Variants in HMGA2 observed in about 807,000 individuals in gnomAD.
The protein encoded by HMGA2 is high mobility group protein HMGI-C.
Under a neutral mutation model 19.1 loss-of-function variants are expected in HMGA2, and 8 were observed. The observed-to-expected ratio is 0.42, with a 90% CI of 0.25 to 0.76. The LOEUF is 0.76. Ranked by LOEUF, HMGA2 falls within the 30% of genes least tolerant of loss-of-function variation. The pLI, the probability that HMGA2 is intolerant of heterozygous loss-of-function variation, is 0.28. For synonymous variants in HMGA2, 60 were observed against 48.8 expected, an observed-to-expected ratio of 1.23 and a Z score of -0.96; for missense variants, 109 against 136.3, an observed-to-expected ratio of 0.80 and a Z score of 1.00.
chr12:65,963,138 G>C (rs953603360), intron 4 of HMGA2, 107 bp from the exon 5 acceptor site: 1 of 993,664 alleles, frequency 1.0e-6, no homozygotes, highest in African/African-American at 1.6e-5. Flanking sequence ...CCTCTTTTGA[G>C]GCAAGCATAA....
chr12:65,872,475 G>T (rs1872757950), intron 3 of HMGA2, among the ~76,000 whole-genome samples: 1 of 152,108 alleles, frequency 6.6e-6, no homozygotes, highest in African/African-American at 2.4e-5. Context: ...CTGTGTTTCA[G>T]TCACTGCCTG....
chr12:65,842,317 A>G, intron 3 of HMGA2: 1 of 617,908 alleles, frequency 1.6e-6, no homozygotes. Flanking sequence ...CTTAATAAAG[A>G]GCATGGCACA....
chr12:65,908,109 A>C lies in HMGA2; in HGVS notation c.250-43274A>C, dbSNP rs190111748. ...AAATTAGACAATCAAGTGTACCAAG[A>C]ATTTGCCTAAATTTGGTATAATTTT... On this transcript the variant is annotated intron_variant, in intron 3 of 4. Transcript: ENST00000403681. 9.7e-4 allele frequency among the ~76,000 whole-genome samples: 148 copies of C among 152,284 alleles called. 1 individual carries two copies. The highest frequency in any genetic ancestry group is 1.3e-3 in the Non-Finnish European group (90 of 68,026).
chr12:65,863,192 A>G (rs1221114672), intron 3 of HMGA2, among the ~76,000 whole-genome samples: 1 of 152,176 alleles, frequency 6.6e-6, no homozygotes, highest in Non-Finnish European at 1.5e-5. Context: ...GTGACACCCC[A>G]TTTTGCCTCT....
At chr12:65,835,547 C>T (rs187595004) in intron 2 of HMGA2, among the ~76,000 whole-genome samples, 28 of 152,276 alleles carry the variant, frequency 1.8e-4, no homozygotes, top group Non-Finnish European at 3.1e-4. Flanking sequence ...GAGTGATAAT[C>T]GTGATATTTT....
At chr12:65,839,415 C>G (rs1014267815) in intron 3 of HMGA2, among the ~76,000 whole-genome samples, 2 of 152,038 alleles carry the variant, frequency 1.3e-5, no homozygotes, top group Non-Finnish European at 2.9e-5. Context: ...ATGATGGGTT[C>G]TTTGGCTTTG....
intron 3 of HMGA2, chr12:65,842,944 TTGC>T (rs1286061226): frequency 9.3e-7 from 1 of 1,080,362 alleles, no homozygotes; most frequent in East Asian, 4.1e-5. Context: ...CATCCAGATG[TTGC>T]TTAGTGATGC....
intron 3 of HMGA2, chr12:65,842,912 T>C (rs1009443481): frequency 2.8e-5 from 34 of 1,193,234 alleles, no homozygotes; most frequent in Non-Finnish European, 3.5e-5. Flanking sequence ...ATAAAGTTGT[T>C]AACCTCATGT....
chr12:65,935,875 AG>A (rs751411949), intron 3 of HMGA2, among the ~76,000 whole-genome samples: 1 of 152,172 alleles, frequency 6.6e-6, no homozygotes, highest in Non-Finnish European at 1.5e-5. Context: ...CCAGCAGCCC[AG>A]GGTGTTTTGA....
intron 3 of HMGA2, among the ~76,000 whole-genome samples, chr12:65,926,691 G>A (rs1346660492): frequency 6.6e-6 from 1 of 152,140 alleles, no homozygotes; most frequent in African/African-American, 2.4e-5. Context: ...ATGCTGATTT[G>A]GATGCTGGTT....
intron 3 of HMGA2, among the ~76,000 whole-genome samples, chr12:65,898,684 G>C (rs568442698): frequency 3.3e-4 from 50 of 152,134 alleles, no homozygotes; most frequent in African/African-American, 1.1e-3. Flanking sequence ...TATGTCCAGC[G>C]CATGATTCAC....
intron 3 of HMGA2, among the ~76,000 whole-genome samples, chr12:65,868,120 C>A (rs964120302): frequency 2.0e-5 from 3 of 152,210 alleles, no homozygotes; most frequent in Admixed American, 6.5e-5. Context: ...TAACTTTCTG[C>A]AGCTGTCCTC....
At chr12:65,888,763 C>G (rs1173492505) in intron 3 of HMGA2, among the ~76,000 whole-genome samples, 1 of 151,304 alleles carries the variant, frequency 6.6e-6, no homozygotes, top group Non-Finnish European at 1.5e-5. Context: ...CGGGGTTTCA[C>G]CGTGTTAGCC....
At chr12:65,941,602 T>C (rs916006009) in intron 3 of HMGA2, among the ~76,000 whole-genome samples, 1 of 152,230 alleles carries the variant, frequency 6.6e-6, no homozygotes, top group African/African-American at 2.4e-5. Context: ...TATCCATTTG[T>C]AGTCCTTGAG....
rs1258183202 is a variant in HMGA2, at chr12:65,926,137, C to T, written c.250-25246C>T. 5.3e-5 allele frequency among the ~76,000 whole-genome samples: 8 copies of T among 152,198 alleles called. 2 individuals carry two copies. Among genetic ancestry groups the T allele is most frequent in the Admixed American group, 3.9e-4 (6 of 15,288 alleles). Reference sequence around the variant, plus strand: ...GCCAACCCCAGACAATCAAAATCTTCACTAAATCCCTGTATTTATTAGGGA... The same window carrying T: ...GCCAACCCCAGACAATCAAAATCTTTACTAAATCCCTGTATTTATTAGGGA... On this transcript the variant is annotated intron_variant, in intron 3 of 4. Coordinates refer to ENST00000403681, the MANE Select transcript of HMGA2 (RefSeq NM_003483.6).
At chr12:65,874,779 C>T (rs546507631) in intron 3 of HMGA2, among the ~76,000 whole-genome samples, 41 of 152,294 alleles carry the variant, frequency 2.7e-4, no homozygotes, top group African/African-American at 9.4e-4. Flanking sequence ...TTCACAAGTA[C>T]GCTTAAAAAT....
Position 65,963,580 on chromosome 12 carries a change from T to A in HMGA2, c.*288T>A. ...AATGCAACTTTTAATTACTGTTTTC[T>A]TTTTTCTTAACCTACTAATAGTTTG... On this transcript the variant is annotated 3_prime_UTR_variant, in exon 5 of 5. Coordinates refer to ENST00000403681, the MANE Select transcript of HMGA2 (RefSeq NM_003483.6). 1 of 458,998 alleles carries A rather than the reference T, an allele frequency of 2.2e-6. No homozygotes were observed. The highest frequency in any genetic ancestry group is 4.0e-5 in the Admixed American group (1 of 25,236). The allele number at this position is 458,998 out of a possible 1,614,324, so 28.4% of individuals were successfully genotyped here. A position where few individuals can be genotyped will look rare whatever the true frequency, so the allele number is the denominator to read the frequency against.
chr12:65,927,241 T>G (rs1875540135), intron 3 of HMGA2, among the ~76,000 whole-genome samples: 1 of 152,198 alleles, frequency 6.6e-6, no homozygotes, highest in Non-Finnish European at 1.5e-5. Context: ...GGAACTGAAT[T>G]TATTCCCTTC....
At chr12:65,956,032 A>G (rs17179670) in intron 4 of HMGA2, 24,431 of 152,054 alleles carry the variant, frequency 0.16, 2,506 homozygotes, top group South Asian at 0.32. Context: ...CTAGACATAC[A>G]AAGAGGGAAG....
Sources: allele counts gnomAD v4.1 joint callset (sites outside exome capture counted in the v4.1 genomes callset), GRCh38; gene constraint gnomAD v4.1.1; transcripts MANE v1.5; gene names NCBI Gene and HGNC (gene_info 2026-07-23, HGNC 2026-07-21).